Variants in AUTS2 observed in about 807,000 individuals in gnomAD.
The protein encoded by AUTS2 is activator of transcription and developmental regulator AUTS2, also known as autism susceptibility gene 2 protein.
A neutral mutation model predicts 112.4 loss-of-function variants in AUTS2; 17 were observed. The observed-to-expected ratio is 0.15, with a 90% confidence interval of 0.10 to 0.23. AUTS2 has a LOEUF of 0.23. AUTS2 is among the 10% of genes least tolerant of loss of function. The probability of loss-of-function intolerance (pLI) is 1.00; values close to 1 mark genes in which losing one functional copy is unlikely to be tolerated. For missense variants in AUTS2, 1,510 were observed against 1,701.6 expected (o/e 0.89, Z 1.98); for synonymous variants, 751 against 702.7 (o/e 1.07, Z -1.09).
At chr7:70,233,968 G>A (rs1812188918) in intron 4 of AUTS2, among the ~76,000 whole-genome samples, 1 of 152,198 alleles carries the variant, frequency 6.6e-6, no homozygotes, top group South Asian at 2.1e-4. Context: ...TGATCATGTG[G>A]AGGATGTATG....
intron 1 of AUTS2, among the ~76,000 whole-genome samples, chr7:69,624,567 A>C (rs1793847037): frequency 6.6e-6 from 1 of 152,230 alleles, no homozygotes; most frequent in Non-Finnish European, 1.5e-5. Flanking sequence ...CCTGCACTTA[A>C]GCTGTGTGCA....
intron 4 of AUTS2, among the ~76,000 whole-genome samples, chr7:70,166,890 C>G (rs751166210): frequency 7.2e-5 from 11 of 152,154 alleles, no homozygotes; most frequent in Admixed American, 5.2e-4. Context: ...AGAGCCATGA[C>G]TATTTTAAAG....
At chr7:69,889,264 G>C (rs1196592772) in intron 1 of AUTS2, among the ~76,000 whole-genome samples, 1 of 152,140 alleles carries the variant, frequency 6.6e-6, no homozygotes, top group African/African-American at 2.4e-5. Context: ...TAGGAATTCT[G>C]GCATGATGAA....
In AUTS2 at chr7:70,763,507, G is replaced by A. The variant is rs534646010; in HGVS notation, c.1214+166G>A. On this transcript the variant is annotated intron_variant, in intron 7 of 18. Coordinates refer to ENST00000342771, the MANE Select transcript of AUTS2 (RefSeq NM_015570.4). ...AATGGGGCTGTTGGGTGAGACTCGG[G>A]TCTCTTGGGAAAGGACAGGTTGGGA... 1.7e-4 allele frequency among the ~76,000 whole-genome samples: 26 copies of A among 152,152 alleles called. No individual in the cohort carries two copies. In the South Asian group the frequency reaches 4.6e-3, roughly 27 times the overall value.
At chr7:69,886,406 A>T (rs1360973407) in intron 1 of AUTS2, among the ~76,000 whole-genome samples, 1 of 152,166 alleles carries the variant, frequency 6.6e-6, no homozygotes, top group Non-Finnish European at 1.5e-5. Flanking sequence ...CTCTTGAAAA[A>T]CTTGAGTCAT....
intron 4 of AUTS2, chr7:70,291,728 G>T (rs1788716269): frequency 6.6e-6 from 1 of 152,152 alleles, no homozygotes; most frequent in South Asian, 2.1e-4. Context: ...AGGTGATGTG[G>T]TTCATTCTAA....
intron 5 of AUTS2, among the ~76,000 whole-genome samples, chr7:70,696,339 G>A (rs1809098662): frequency 6.6e-6 from 1 of 152,192 alleles, no homozygotes; most frequent in Non-Finnish European, 1.5e-5. Flanking sequence ...GAGCCCCATT[G>A]CAGTCGTCAT....
At chr7:70,123,739 C>G (rs1805812426) in intron 3 of AUTS2, among the ~76,000 whole-genome samples, 1 of 152,140 alleles carries the variant, frequency 6.6e-6, no homozygotes, top group African/African-American at 2.4e-5. Context: ...TTTTCTTTAT[C>G]CAATCTGTCA....
chr7:69,975,837 G>A (rs1483833069), intron 2 of AUTS2, among the ~76,000 whole-genome samples: 7 of 151,714 alleles, frequency 4.6e-5, no homozygotes, highest in Admixed American at 2.0e-4. Flanking sequence ...ACATGCGTGC[G>A]CTACCATGCC....
intron 4 of AUTS2, chr7:70,292,085 G>A (rs1402539869): frequency 6.6e-6 from 1 of 152,118 alleles, no homozygotes; most frequent in African/African-American, 2.4e-5. Flanking sequence ...GGACCTACTG[G>A]TAGTCTTTGG....
chr7:70,674,700 C>G (rs1230366737), intron 5 of AUTS2, among the ~76,000 whole-genome samples: 1 of 152,106 alleles, frequency 6.6e-6, no homozygotes, highest in Non-Finnish European at 1.5e-5. Context: ...GCTCCTTCTC[C>G]TGTGGGAAGA....
At chr7:70,082,003 G>A (rs1803348386) in intron 2 of AUTS2, among the ~76,000 whole-genome samples, 1 of 151,048 alleles carries the variant, frequency 6.6e-6, no homozygotes, top group Non-Finnish European at 1.5e-5. Context: ...AGATTTTTCT[G>A]TGAAGAGTGT....
At chr7:70,643,210 G>C (rs916114702) in intron 5 of AUTS2, among the ~76,000 whole-genome samples, 1 of 152,146 alleles carries the variant, frequency 6.6e-6, no homozygotes, top group African/African-American at 2.4e-5. Context: ...CTTGCCCTTA[G>C]CTTCGGACCC....
At chr7:69,855,305 T>A (rs1316379412) in intron 1 of AUTS2, among the ~76,000 whole-genome samples, 1 of 152,172 alleles carries the variant, frequency 6.6e-6, no homozygotes, top group East Asian at 1.9e-4. Context: ...TAACATTTTC[T>A]GTTTTATCTC....
At chr7:70,125,921 G>A (rs1228768246) in intron 3 of AUTS2, among the ~76,000 whole-genome samples, 1 of 152,094 alleles carries the variant, frequency 6.6e-6, no homozygotes, top group African/African-American at 2.4e-5. Context: ...TCGTTTTTCA[G>A]CTAAGATGAA....
In AUTS2 at chr7:70,460,272, G is replaced by A. The variant is rs978265542; in HGVS notation, c.690+24491G>A. Among the ~76,000 whole-genome samples the A allele has an allele frequency of 8.6e-5, 13 of 151,882 alleles. No individual in the cohort carries two copies. In the East Asian group the frequency reaches 9.7e-4, roughly 11 times the overall value. On this transcript the variant is annotated intron_variant, in intron 5 of 18. Coordinates refer to ENST00000342771, the MANE Select transcript of AUTS2 (RefSeq NM_015570.4). ...AGGGTTTCCCGGAAGTAGTGGAAGC[G>A]GACCGTGTCCTGAGAGGTCCCCAGC...
intron 2 of AUTS2, among the ~76,000 whole-genome samples, chr7:69,932,956 G>C (rs182769540): frequency 1.3e-5 from 2 of 152,246 alleles, no homozygotes; most frequent in Non-Finnish European, 2.9e-5. Flanking sequence ...AATACAAGAA[G>C]AATTTCTGGA....
intron 4 of AUTS2, among the ~76,000 whole-genome samples, chr7:70,229,253 G>T (rs1216325952): frequency 6.6e-6 from 1 of 151,990 alleles, no homozygotes; most frequent in African/African-American, 2.4e-5. Flanking sequence ...TGTAAAGCAG[G>T]TGTGCTAACA....
chr7:70,014,770 T>C (rs1180978919), intron 2 of AUTS2, among the ~76,000 whole-genome samples: 1 of 152,240 alleles, frequency 6.6e-6, no homozygotes, highest in East Asian at 1.9e-4. Context: ...GGCATTCTTT[T>C]TCTGGGGCTG....
Sources: allele counts gnomAD v4.1 joint callset (sites outside exome capture counted in the v4.1 genomes callset), GRCh38; gene constraint gnomAD v4.1.1; transcripts MANE v1.5; gene names NCBI Gene and HGNC (gene_info 2026-07-23, HGNC 2026-07-21).